Variants in SLC26A8 observed in about 807,000 individuals in gnomAD.
SLC26A8 encodes the protein solute carrier family 26 member 8.
SLC26A8 carries 70 observed loss-of-function variants against 105.0 expected under a neutral mutation model. That is an observed-to-expected ratio of 0.67 (90% CI 0.55 to 0.81). The LOEUF is 0.81. SLC26A8 is among the 40% of genes least tolerant of loss of function. The pLI is 0.00. For synonymous variants in SLC26A8, 415 were observed against 438.3 expected, an observed-to-expected ratio of 0.95 and a Z score of 0.66; for missense variants, 998 against 1,181.8, an observed-to-expected ratio of 0.84 and a Z score of 2.28.
chr6:36,023,639 G>T (rs1017039015), intron 1 of SLC26A8, among the ~76,000 whole-genome samples: 1 of 150,154 alleles, frequency 6.7e-6, no homozygotes, highest in South Asian at 2.1e-4. Context: ...AATCTTGAAA[G>T]CTAGTTTAGT....
At chr6:35,972,864 A>G (rs554068012) in intron 10 of SLC26A8, among the ~76,000 whole-genome samples, 1 of 152,208 alleles carries the variant, frequency 6.6e-6, no homozygotes, top group Non-Finnish European at 1.5e-5. Context: ...TATTCCCAGA[A>G]TCAATGAGTG....
rs376918251 is a variant in SLC26A8 at position 35,951,202 on chromosome 6, G to A, written c.2433C>T (p.Ser811=). 1.9e-5 allele frequency: 31 copies of A among 1,612,540 alleles called. No individual in the cohort carries two copies. The highest frequency in any genetic ancestry group is 1.1e-4 in the African/African-American group (8 of 74,414). Reference sequence around the variant, plus strand: ...AGTAGGTTTCCCGTATCACTGTCTCGGATTCATCGATGCTTAACTCAGAGG... The same window carrying A: ...AGTAGGTTTCCCGTATCACTGTCTCAGATTCATCGATGCTTAACTCAGAGG... ...IGSSELSIDE[S]ETVIRETYSE... is the part of the protein sequence containing the mutation. The change falls in exon 19 of 20, where the codon TCC becomes TCT. Residue 811 remains serine (S), a synonymous_variant. Transcript: ENST00000490799.
At chr6:36,000,902 A>C (rs914724848) in intron 3 of SLC26A8, among the ~76,000 whole-genome samples, 2 of 152,222 alleles carry the variant, frequency 1.3e-5, no homozygotes, top group Admixed American at 6.5e-5. Flanking sequence ...CCCATAACCA[A>C]TCTATGCTTC....
chr6:35,948,535 G>A (rs1267777817), intron 19 of SLC26A8, among the ~76,000 whole-genome samples: 1 of 152,178 alleles, frequency 6.6e-6, no homozygotes, highest in African/African-American at 2.4e-5. Context: ...GTTGCAGTGA[G>A]CCGAGATTGT....
chr6:35,997,910 A>T lies in SLC26A8; in HGVS notation c.455T>A (p.Phe152Tyr). The T allele has an allele frequency of 6.2e-7, 1 of 1,613,898 alleles. No homozygotes were observed. The highest frequency in any genetic ancestry group is 1.7e-4 in the Middle Eastern group (1 of 5,982). The change falls in exon 5 of 20, where the codon TTC becomes TAC. Residue 152 changes from phenylalanine (F) to tyrosine (Y), a missense_variant. Coordinates refer to ENST00000490799, the MANE Select transcript of SLC26A8 (RefSeq NM_052961.4). ...GTTGATCAGCAGAGCACTCACCAGG[A>T]AGAAGGAACCTGTGGAAGAAGATGT... is the stretch of plus-strand genomic sequence containing the variant. ...SCHQMSIGSFFLVSALLINVL... is the reference protein window; with the variant it reads ...SCHQMSIGSFYLVSALLINVL...
At chr6:35,960,721 C>T in intron 14 of SLC26A8, 122 bp downstream of exon 14, 1 of 920,076 alleles carries the variant, frequency 1.1e-6, no homozygotes. Context: ...CATCCCCCTC[C>T]TTTGTAAATG....
At chr6:35,968,611 ATATATATATAT>A (rs1562030780) in intron 11 of SLC26A8, among the ~76,000 whole-genome samples, 1,039 of 44,120 alleles carry the variant, frequency 0.024, 44 homozygotes, top group Middle Eastern at 0.058. Context: ...GTGTGTGTGT[ATATATATATAT>A]ATATATATAT....
In SLC26A8 at chr6:35,960,824, G is replaced by A. The variant is rs2127299385; in HGVS notation, c.1638+19C>T. 6.2e-7 allele frequency: 1 copy of A among 1,612,780 alleles called. No individual in the cohort carries two copies. Among genetic ancestry groups the A allele is most frequent in the East Asian group, 2.2e-5 (1 of 44,880 alleles). On this transcript the variant is annotated intron_variant, in intron 14 of 19. Transcript: ENST00000490799. ...CTCTATCCCTTAGGCAGAGAAATGG[G>A]ACCCATTTGGATTCTTACCTCCCGA...
chr6:36,012,448 C>T (rs958538431), intron 2 of SLC26A8, 76 bp from the exon 3 acceptor site: 3 of 1,477,552 alleles, frequency 2.0e-6, no homozygotes, highest in Non-Finnish European at 2.7e-6. Context: ...AGGCATTTGG[C>T]CCACATAGCC....
intron 19 of SLC26A8, among the ~76,000 whole-genome samples, chr6:35,948,500 A>G (rs1457082529): frequency 6.6e-6 from 1 of 152,106 alleles, no homozygotes; most frequent in Non-Finnish European, 1.5e-5. Flanking sequence ...GAGGCAGGAC[A>G]ATCACGTGAA....
At chr6:35,991,860 A>C in intron 6 of SLC26A8, 52 bp from the exon 7 acceptor site, 5 of 1,488,070 alleles carry the variant, frequency 3.4e-6, no homozygotes, top group Non-Finnish European at 4.5e-6. Context: ...GTAATTGCCT[A>C]AGTCTAGAAA....
chr6:35,960,986 A>G lies in SLC26A8; in HGVS notation c.1568+7T>C. On this transcript the variant is annotated splice_region_variant and intron_variant, in intron 13 of 19. Transcript: ENST00000490799. ...TTGTTAACCTCCTATTACCTGAGAC[A>G]AAGTACCTGTGTGAACGAACAGTGG... The G allele has an allele frequency of 6.2e-7, 1 of 1,614,126 alleles. No individual in the cohort carries two copies. The highest frequency in any genetic ancestry group is 1.1e-5 in the South Asian group (1 of 91,074).
chr6:36,023,754 C>G (rs548387141), intron 1 of SLC26A8, among the ~76,000 whole-genome samples: 1 of 152,036 alleles, frequency 6.6e-6, no homozygotes, highest in Non-Finnish European at 1.5e-5. Context: ...TTTGTAATTC[C>G]ATCAGAAACA....
chr6:35,950,079 G>A (rs1272491124), intron 19 of SLC26A8, among the ~76,000 whole-genome samples: 2 of 152,154 alleles, frequency 1.3e-5, no homozygotes, highest in Non-Finnish European at 2.9e-5. Context: ...TTACAGGCGT[G>A]AGCCATCTCG....
In SLC26A8 at chr6:35,959,641, G is replaced by T. The variant is rs141784966; in HGVS notation, c.1732-50C>A. 3.5e-4 allele frequency: 558 copies of T among 1,608,998 alleles called. 1 individual carries two copies. In the African/African-American group the frequency reaches 6.8e-3, roughly 20 times the overall value. ...CAGAGGAAGAATGGTGGAACAGAAG[G>T]TGAAAGAGTGGGAGAGAGATGCCAG... On this transcript the variant is annotated intron_variant, in intron 15 of 19. Transcript: ENST00000490799.
chr6:35,979,789 G>C (rs1773199440), intron 8 of SLC26A8, among the ~76,000 whole-genome samples: 1 of 152,120 alleles, frequency 6.6e-6, no homozygotes, highest in Admixed American at 6.6e-5. Flanking sequence ...AAGGGGACAT[G>C]GACACAGCAG....
In SLC26A8 at chr6:35,943,868, C is replaced by A. The variant is rs778337702; in HGVS notation, c.*32G>T. ...CTTTTTGGGTAGGAGGATTTGCCAG[C>A]ATTATCTGACCCCTTATTTCTAGTT... On this transcript the variant is annotated 3_prime_UTR_variant, in exon 20 of 20. Transcript: ENST00000490799. 2 of 1,599,924 alleles carry A rather than the reference C, an allele frequency of 1.3e-6. No individual in the cohort carries two copies. Among genetic ancestry groups the A allele is most frequent in the South Asian group, 2.2e-5 (2 of 89,540 alleles).
intron 17 of SLC26A8, 27 bp downstream of exon 17, chr6:35,955,125 T>C (rs1772006514): frequency 6.2e-7 from 1 of 1,613,628 alleles, no homozygotes; most frequent in Admixed American, 1.7e-5. Context: ...GGATCAGAGC[T>C]CCTGCCAAGG....
chr6:35,982,373 G>A (rs1441196448), intron 7 of SLC26A8, among the ~76,000 whole-genome samples, 170 bp from the exon 8 acceptor site: 1 of 152,210 alleles, frequency 6.6e-6, no homozygotes, highest in East Asian at 1.9e-4. Flanking sequence ...AGCGGAGCAA[G>A]GCAGGCATTA....
Sources: gnomAD v4.1 joint callset for allele counts (sites outside exome capture counted in the v4.1 genomes callset) on GRCh38, gnomAD v4.1.1 for gene constraint, MANE v1.5 for transcripts, NCBI Gene and HGNC (gene_info 2026-07-23, HGNC 2026-07-21) for gene names.